The following FRY variants were observed in gnomAD, a reference collection of about 807,000 sequenced individuals.
FRY encodes protein furry homolog.
In FRY, 128 loss-of-function variants were observed where a neutral mutation model predicts 348.4. That is an observed-to-expected ratio of 0.37 (90% CI 0.32 to 0.43). The LOEUF (loss-of-function observed/expected upper bound fraction) is 0.43. Among genes scored for constraint, FRY ranks in the 20% least tolerant of loss-of-function variants. FRY has a pLI of 1.00. For missense variants in FRY, 2,736 were observed against 3,695.2 expected, an observed-to-expected ratio of 0.74 and a Z score of 6.73; for synonymous variants, 1,370 against 1,374.7, an observed-to-expected ratio of 1.00 and a Z score of 0.08.
At chr13:32,137,645 A>C (rs1879805235) in intron 11 of FRY, among the ~76,000 whole-genome samples, 1 of 152,176 alleles carries the variant, frequency 6.6e-6, no homozygotes, top group South Asian at 2.1e-4. Flanking sequence ...TTAGTAACCT[A>C]TTGATAAAAG....
At chr13:32,119,811 C>T (rs1878537688) in intron 4 of FRY, among the ~76,000 whole-genome samples, 1 of 152,200 alleles carries the variant, frequency 6.6e-6, no homozygotes, top group Admixed American at 6.5e-5. Flanking sequence ...TTGTTCACAG[C>T]TCTTTCTCCT....
At position 32,247,372 on chromosome 13, in the gene FRY, G is replaced by T. The variant is rs985694858; in HGVS notation, c.6878G>T (p.Arg2293Leu). The T allele has an allele frequency of 1.2e-6, 2 of 1,613,658 alleles. No homozygotes were observed. Among genetic ancestry groups the T allele is most frequent in the Admixed American group, 1.7e-5 (1 of 60,004 alleles). The change falls in exon 48 of 61, where the codon CGG (arginine) becomes CTG (leucine). Residue 2293 changes from arginine to leucine, a missense_variant. Around this residue, in one of 9 missense-constraint regions of FRY, gnomAD observed 789 missense variants for 996.2 expected, o/e 0.79. Transcript: ENST00000542859. Reference protein sequence around the residue: ...ALNILKLVVSRSASLVLPSYQ... With the variant: ...ALNILKLVVSLSASLVLPSYQ... ...AATATCTTGAAGCTGGTAGTTTCTC[G>T]GTCAGCCAGCCTTGTTTTACCTTCA... is the stretch of plus-strand genomic sequence containing the variant.
rs190129848 is a variant in FRY at position 32,274,564 on chromosome 13, C to T, written c.8137-278C>T. 4.6e-3 allele frequency among the ~76,000 whole-genome samples: 699 copies of T among 151,626 alleles called. 23 individuals carry two copies. In the East Asian group the frequency reaches 0.096, roughly 21 times the overall value. ...CTAAAAATACAAAAAATTAGCCAGG[C>T]GTGGTGGCAGGCACCTGTAGTCCCA... On this transcript the variant is annotated intron_variant, in intron 55 of 60. Coordinates refer to ENST00000542859, the MANE Select transcript of FRY (RefSeq NM_023037.3).
Position 32,191,185 on chromosome 13 carries a change from C to T in FRY, c.3592-2958C>T, listed in dbSNP as rs574630364. On this transcript the variant is annotated intron_variant, in intron 28 of 60. Coordinates refer to ENST00000542859, the MANE Select transcript of FRY (RefSeq NM_023037.3). ...AATTCATTGCAGATGGATTGTAGAT[C>T]TAAATGTAACAGCTAAAATAATAGT... Among the ~76,000 whole-genome samples, 9 of 152,282 alleles carry T rather than the reference C, an allele frequency of 5.9e-5. No individual in the cohort carries two copies. In the South Asian group the frequency reaches 1.7e-3, roughly 28 times the overall value.
At chr13:32,253,700 A>G (rs1887197130) in intron 50 of FRY, among the ~76,000 whole-genome samples, 1 of 152,182 alleles carries the variant, frequency 6.6e-6, no homozygotes, top group South Asian at 2.1e-4. Context: ...CTACTCTTCT[A>G]TGGACAAGTA....
At chr13:32,043,371 A>T (rs890534032) in intron 1 of FRY, among the ~76,000 whole-genome samples, 3 of 152,218 alleles carry the variant, frequency 2.0e-5, no homozygotes, top group African/African-American at 7.2e-5. Flanking sequence ...CTGTTGTTGT[A>T]TAGCATTGCA....
Position 32,247,460 on chromosome 13 carries a change from A to G in FRY, c.6966A>G (p.Glu2322=), listed in dbSNP as rs1265134794. 1 of 1,613,792 alleles carries G rather than the reference A, an allele frequency of 6.2e-7. No homozygotes were observed. The highest frequency in any genetic ancestry group is 2.2e-5 in the East Asian group (1 of 44,878). The change falls in exon 48 of 61, where the codon GAA becomes GAG. Residue 2322 remains glutamate (E), a synonymous_variant. Coordinates refer to ENST00000542859, the MANE Select transcript of FRY (RefSeq NM_023037.3). ...GAGTGTGGACTAGTGCTTCCAAGGA[A>G]TTACCTGGGAAAACCCTGGACTTCC... The part of the protein sequence containing the change: ...IHRVWTSASK[E]LPGKTLDFHF...
intron 3 of FRY, among the ~76,000 whole-genome samples, chr13:32,114,125 C>T (rs560487916): frequency 2.0e-5 from 3 of 152,120 alleles, no homozygotes; most frequent in South Asian, 4.1e-4. Flanking sequence ...AGGAGTCAAA[C>T]GTAAGTTTCC....
At chr13:32,238,066 T>C in intron 44 of FRY, 80 bp downstream of exon 44, 4 of 1,472,962 alleles carry the variant, frequency 2.7e-6, no homozygotes, top group African/African-American at 1.4e-5. Context: ...TAATATGAAC[T>C]TACTGCTTTT....
At position 32,295,692 on chromosome 13, in the gene FRY, C is replaced by G. The variant is rs879170387; in HGVS notation, c.*232C>G. The stretch of plus-strand genomic sequence containing the variant: ...ACTCCACTCATCATGCTGTGTGGCA[C>G]AAATGTGTTACATTTGACCGAGCAT... On this transcript the variant is annotated 3_prime_UTR_variant, in exon 61 of 61. Coordinates refer to ENST00000542859, the MANE Select transcript of FRY (RefSeq NM_023037.3). 58 of 588,368 alleles carry G rather than the reference C, an allele frequency of 9.9e-5. No individual in the cohort carries two copies. The Admixed American group carries it at 1.1e-3, about 11-fold the overall frequency. The allele number at this position is 588,368 out of a possible 1,614,324, so 36.4% of individuals were successfully genotyped here.
chr13:32,031,995 T>TTTC lies in FRY; in HGVS notation c.70+132_70+133insCTT. 6.5e-6 allele frequency: 4 copies of TTTC among 611,536 alleles called. No individual in the cohort carries two copies. In the African/African-American group the frequency reaches 8.2e-5, roughly 13 times the overall value. The allele number at this position is 611,536 out of a possible 1,614,324, so 37.9% of individuals were successfully genotyped here. ...GTTTTTCTTTTTTTCTTTTCTTTTC[T>TTTC]TTTCTCTTTCTTTCTTTCTTTCTTT... On this transcript the variant is annotated intron_variant, in intron 1 of 60. Transcript: ENST00000542859.
chr13:32,049,439 T>TTTG (rs1555246921), intron 1 of FRY, among the ~76,000 whole-genome samples: 1 of 151,202 alleles, frequency 6.6e-6, no homozygotes, highest in South Asian at 2.1e-4. Flanking sequence ...CCATAGGTTT[T>TTTG]TTTGTTTGTT....
Position 32,289,717 on chromosome 13 carries a change from G to A in FRY, c.8554G>A (p.Val2852Met), listed in dbSNP as rs1889236924. 1 of 1,609,174 alleles carries A rather than the reference G, an allele frequency of 6.2e-7. No homozygotes were observed. Among genetic ancestry groups the A allele is most frequent in the African/African-American group, 1.3e-5 (1 of 74,894 alleles). Residue 2852 changes from valine to methionine, a missense_variant, in exon 59 of 61, where the codon GTG becomes ATG. Val to Met is a conservative substitution (Grantham distance 21). Transcript: ENST00000542859. ...FQSYCKLIGQ[V>M]HEVSSMPELL... is the part of the protein sequence containing the mutation. The stretch of plus-strand genomic sequence containing the variant: ...GTCCTACTGTAAGCTCATCGGCCAG[G>A]TGCACGAAGTTAGCTCCATGCCAGA...
chr13:32,067,320 T>C (rs1874323184), intron 1 of FRY, among the ~76,000 whole-genome samples: 1 of 152,072 alleles, frequency 6.6e-6, no homozygotes, highest in Admixed American at 6.5e-5. Flanking sequence ...TAATGCGGGG[T>C]TAGGTTAGAC....
rs2072090023 is a variant in FRY, at chr13:32,297,862, TAAGA to T, written c.*2407_*2410del. ...AGATATTTAACAGATGCCTCAGTGA[TAAGA>T]AAGATGCCTCCTTGTGTCTCACTGT... On this transcript the variant is annotated 3_prime_UTR_variant, in exon 61 of 61. Transcript: ENST00000542859. 6.6e-6 allele frequency: 1 copy of T among 152,222 alleles called. No homozygotes were observed. Among genetic ancestry groups the T allele is most frequent in the Non-Finnish European group, 1.5e-5 (1 of 68,046 alleles). The allele number at this position is 152,222 out of a possible 1,614,324, so 9.4% of individuals were successfully genotyped here.
chr13:32,265,839 G>A (rs933235445), intron 54 of FRY, among the ~76,000 whole-genome samples: 5 of 152,126 alleles, frequency 3.3e-5, no homozygotes, highest in African/African-American at 4.8e-5. Flanking sequence ...GAATTCATAA[G>A]GCCAGAAAGC....
rs532040956 is a variant in FRY, at chr13:32,138,137, G to GTTTT, written c.1179+1169_1179+1172dup. On this transcript the variant is annotated intron_variant, in intron 11 of 60. Coordinates refer to ENST00000542859, the MANE Select transcript of FRY (RefSeq NM_023037.3). ...AGGTTTGTTTTTTTTGTTTTGTTTT[G>GTTTT]TTTTTTTGTTTTTTTTTTGAGGATC... Among the ~76,000 whole-genome samples, 25 of 149,660 alleles carry GTTTT rather than the reference G, an allele frequency of 1.7e-4. No individual in the cohort carries two copies. The South Asian group carries it at 5.4e-3, about 32-fold the overall frequency.
chr13:32,149,878 C>T (rs751012071), intron 14 of FRY, 44 bp downstream of exon 14: 13 of 1,172,700 alleles, frequency 1.1e-5, no homozygotes, highest in Non-Finnish European at 1.2e-5. Flanking sequence ...GCATGTCTTC[C>T]GGAGCCATAC....
At chr13:32,157,456 A>G in intron 16 of FRY, 51 bp downstream of exon 16, 1 of 1,518,524 alleles carries the variant, frequency 6.6e-7, no homozygotes, top group Non-Finnish European at 9.1e-7. Context: ...CAGAAAACAC[A>G]AGTAGAGAGT....
Sources: allele counts gnomAD v4.1 joint callset (sites outside exome capture counted in the v4.1 genomes callset), GRCh38; gene constraint gnomAD v4.1.1; regional missense constraint gnomAD v4.1.1; transcripts MANE v1.5; gene names NCBI Gene and HGNC (gene_info 2026-07-23, HGNC 2026-07-21).